The following RGS6 variants were observed in gnomAD, a reference collection of about 807,000 sequenced individuals.
RGS6 encodes the protein regulator of G protein signaling 6.
Under a neutral mutation model 78.5 loss-of-function variants are expected in RGS6, and 30 were observed. The ratio of observed to expected loss-of-function variants is 0.38; its 90% CI spans 0.29 to 0.52. The LOEUF (loss-of-function observed/expected upper bound fraction) is 0.52. Ranked by LOEUF, RGS6 falls within the 20% of genes least tolerant of loss-of-function variation. The probability of loss-of-function intolerance (pLI) is 0.85; values close to 1 mark genes in which losing one functional copy is unlikely to be tolerated. For synonymous variants in RGS6, 206 were observed against 206.0 expected, an observed-to-expected ratio of 1.00 and a Z score of 0.00; for missense variants, 495 against 609.7, an observed-to-expected ratio of 0.81 and a Z score of 1.98.
chr14:72,401,390 GT>G (rs2092382921), intron 3 of RGS6, among the ~76,000 whole-genome samples: 1 of 151,910 alleles, frequency 6.6e-6, no homozygotes, highest in South Asian at 2.1e-4. Context: ...AGCTGGGTGA[GT>G]GGTTCACAAG....
chr14:72,411,417 G>A (rs1266908655), intron 3 of RGS6, among the ~76,000 whole-genome samples: 2 of 152,204 alleles, frequency 1.3e-5, no homozygotes, highest in Non-Finnish European at 2.9e-5. Context: ...CATTGAGTTT[G>A]TATCCTGAGA....
At chr14:71,905,633 G>T in the RGS6 span, among the ~76,000 whole-genome samples, 2 of 152,216 alleles carry the variant, frequency 1.3e-5, no homozygotes, top group East Asian at 3.9e-4. Flanking sequence ...GGGATTACAG[G>T]CACATGCCAC....
At chr14:72,411,027 G>A (rs1470218045) in intron 3 of RGS6, among the ~76,000 whole-genome samples, 1 of 152,152 alleles carries the variant, frequency 6.6e-6, no homozygotes, top group Non-Finnish European at 1.5e-5. Flanking sequence ...TGTTCTTTTG[G>A]CTTAGGATTG....
intron 3 of RGS6, 41 bp downstream of exon 3, chr14:72,352,235 A>G: frequency 6.8e-7 from 1 of 1,478,202 alleles, no homozygotes; most frequent in Non-Finnish European, 9.4e-7. Flanking sequence ...AGTCAGAACT[A>G]CCAAAGAGTT....
intron 2 of RGS6, among the ~76,000 whole-genome samples, chr14:72,176,815 G>GCA (rs1263208183): frequency 6.6e-6 from 1 of 152,098 alleles, no homozygotes; most frequent in Admixed American, 6.6e-5. Context: ...ACGCACATGT[G>GCA]CACACACACG....
At chr14:72,477,067 A>G (rs1273667926) in intron 11 of RGS6, 1 of 513,760 alleles carries the variant, frequency 1.9e-6, no homozygotes, top group Admixed American at 3.4e-5. Flanking sequence ...AAAAGGGCGT[A>G]AATGAGTCAT....
intron 13 of RGS6, among the ~76,000 whole-genome samples, chr14:72,498,735 A>C (rs1376069542): frequency 2.0e-5 from 3 of 152,110 alleles, no homozygotes; most frequent in Non-Finnish European, 4.4e-5. Flanking sequence ...AAATACACGC[A>C]TACTGGGGTG....
intron 2 of RGS6, among the ~76,000 whole-genome samples, chr14:72,229,835 A>G (rs894830873): frequency 5.3e-5 from 8 of 152,204 alleles, no homozygotes; most frequent in Non-Finnish European, 1.2e-4. Context: ...GGTGTGGTTT[A>G]TATGGCCATT....
intron 2 of RGS6, among the ~76,000 whole-genome samples, chr14:71,995,704 A>T (rs2153200102): frequency 6.6e-6 from 1 of 152,336 alleles, no homozygotes; most frequent in South Asian, 2.1e-4. Flanking sequence ...ATTCTTATGT[A>T]GTCAAGAAAA....
intron 2 of RGS6, among the ~76,000 whole-genome samples, chr14:72,292,574 G>GT (rs1363101159): frequency 6.6e-5 from 10 of 152,216 alleles, no homozygotes; most frequent in Non-Finnish European, 1.2e-4. Context: ...CCGTCAGACT[G>GT]TTTTAACAAT....
At chr14:72,159,092 T>C (rs887457094) in intron 2 of RGS6, among the ~76,000 whole-genome samples, 2 of 152,208 alleles carry the variant, frequency 1.3e-5, no homozygotes, top group Non-Finnish European at 2.9e-5. Context: ...TTGTTGTTGT[T>C]AAACTATTTA....
chr14:72,429,961 G>T (rs990984038), intron 3 of RGS6, among the ~76,000 whole-genome samples: 3 of 152,198 alleles, frequency 2.0e-5, no homozygotes, highest in Non-Finnish European at 2.9e-5. Flanking sequence ...GCCTTGTGAA[G>T]AAGGTACCTT....
chr14:72,007,071 T>C (rs180897148), intron 2 of RGS6, among the ~76,000 whole-genome samples: 233 of 151,508 alleles, frequency 1.5e-3, no homozygotes, highest in Middle Eastern at 6.8e-3. Context: ...CCTGCAGTAA[T>C]GTAGAAAGTA....
intron 7 of RGS6, among the ~76,000 whole-genome samples, chr14:72,469,226 AAC>A (rs2096010142): frequency 6.9e-6 from 1 of 145,648 alleles, no homozygotes; most frequent in African/African-American, 2.6e-5. Context: ...TTTTTTTTGA[AAC>A]AGTTTCATTC....
chr14:72,020,205 A>G (rs139454013), intron 2 of RGS6, among the ~76,000 whole-genome samples: 287 of 152,360 alleles, frequency 1.9e-3, no homozygotes, highest in Middle Eastern at 6.8e-3. Flanking sequence ...CTCCCAGCTA[A>G]GTGAGCTCTT....
intron 2 of RGS6, among the ~76,000 whole-genome samples, chr14:72,062,888 A>G (rs536315730): frequency 6.6e-6 from 1 of 152,308 alleles, no homozygotes; most frequent in South Asian, 2.1e-4. Flanking sequence ...GTACAGTAGC[A>G]CGATCTCAAC....
intron 2 of RGS6, among the ~76,000 whole-genome samples, chr14:72,309,176 C>G (rs1490036444): frequency 6.6e-6 from 1 of 152,304 alleles, no homozygotes; most frequent in South Asian, 2.1e-4. Context: ...CTAGGGAAGC[C>G]TGTCATCAAG....
the RGS6 span, chr14:72,612,672 C>A: frequency 2.0e-6 from 1 of 505,688 alleles, no homozygotes; most frequent in South Asian, 1.4e-5. Context: ...CCGTATAAAC[C>A]ACAAACCCCA....
Position 72,027,184 on chromosome 14 carries a change from A to G in RGS6, c.84+62309A>G, listed in dbSNP as rs530986876. Among the ~76,000 whole-genome samples, 3 of 152,128 alleles carry G rather than the reference A, an allele frequency of 2.0e-5. No homozygotes were observed. The South Asian group carries it at 6.2e-4, about 32-fold the overall frequency. ...CTTCAAGTCCAACGGGGAGGCAGGAAACCACCCAGGGAAGGACTATGTCCT... is the reference window on the plus strand; with the variant it reads ...CTTCAAGTCCAACGGGGAGGCAGGAGACCACCCAGGGAAGGACTATGTCCT... On this transcript the variant is annotated intron_variant, in intron 2 of 17. Coordinates refer to ENST00000553525, the MANE Select transcript of RGS6 (RefSeq NM_001204424.2).
Sources: gnomAD v4.1 joint callset for allele counts (sites outside exome capture counted in the v4.1 genomes callset) on GRCh38, gnomAD v4.1.1 for gene constraint, MANE v1.5 for transcripts, NCBI Gene and HGNC (gene_info 2026-07-23, HGNC 2026-07-21) for gene names.